Variants in SOX5 observed in about 807,000 individuals in gnomAD.
SOX5 encodes the protein transcription factor SOX-5.
In SOX5, 9 loss-of-function variants were observed where a neutral mutation model predicts 92.0. The ratio of observed to expected loss-of-function variants is 0.10; its 90% CI spans 0.06 to 0.17. The LOEUF is 0.17. SOX5 is among the 10% of genes least tolerant of loss of function. The pLI is 1.00. For missense variants in SOX5, 642 were observed against 944.5 expected, an observed-to-expected ratio of 0.68 and a Z score of 4.20; for synonymous variants, 344 against 336.3, an observed-to-expected ratio of 1.02 and a Z score of -0.25.
At chr12:23,656,903 T>C (rs939957799) in intron 7 of SOX5, among the ~76,000 whole-genome samples, 1 of 152,118 alleles carries the variant, frequency 6.6e-6, no homozygotes, top group East Asian at 1.9e-4. Context: ...TTTTAGTTTG[T>C]TTTCTACAAT....
At chr12:23,703,403 T>C (rs2090938817) in intron 6 of SOX5, among the ~76,000 whole-genome samples, 1 of 151,990 alleles carries the variant, frequency 6.6e-6, no homozygotes, top group Non-Finnish European at 1.5e-5. Flanking sequence ...ATAAGAACAA[T>C]ACTTTCTTGG....
intron 3 of SOX5, among the ~76,000 whole-genome samples, chr12:23,791,662 C>T (rs1246503639): frequency 6.6e-6 from 1 of 151,732 alleles, no homozygotes. Flanking sequence ...ACCACTTTAA[C>T]CAATAAAAAA....
At chr12:24,088,541 G>A (rs1178243843) in intron 4 of SOX5, among the ~76,000 whole-genome samples, 1 of 151,744 alleles carries the variant, frequency 6.6e-6, no homozygotes, top group Non-Finnish European at 1.5e-5. Flanking sequence ...ATATGAATTT[G>A]ATAACTTGAA....
intron 9 of SOX5, among the ~76,000 whole-genome samples, chr12:23,598,821 C>T (rs1009809292): frequency 6.6e-6 from 1 of 152,088 alleles, no homozygotes; most frequent in East Asian, 1.9e-4. Context: ...TTGTATTCTG[C>T]CTTTTTCCCC....
intron 1 of SOX5, among the ~76,000 whole-genome samples, chr12:24,373,412 T>C (rs1384753027): frequency 6.6e-6 from 1 of 152,216 alleles, no homozygotes; most frequent in Non-Finnish European, 1.5e-5. Context: ...TATTTCAGTG[T>C]GTACAATATG....
chr12:24,505,362 A>G (rs761197207), intron 1 of SOX5, among the ~76,000 whole-genome samples: 6 of 152,232 alleles, frequency 3.9e-5, no homozygotes, highest in Admixed American at 1.3e-4. Context: ...CGATCAATGT[A>G]AGAGAAGAGA....
intron 1 of SOX5, among the ~76,000 whole-genome samples, chr12:24,379,246 G>A (rs1957581062): frequency 6.6e-6 from 1 of 152,180 alleles, no homozygotes; most frequent in African/African-American, 2.4e-5. Flanking sequence ...TCTTAGTCAT[G>A]TTTGAGTGAA....
At chr12:24,179,555 T>C (rs569850973) in intron 4 of SOX5, among the ~76,000 whole-genome samples, 33 of 152,316 alleles carry the variant, frequency 2.2e-4, no homozygotes, top group Admixed American at 7.8e-4. Flanking sequence ...TCGGATATTG[T>C]ATTTTGTGTT....
At chr12:23,908,033 A>C (rs1246884097) in intron 1 of SOX5, among the ~76,000 whole-genome samples, 1 of 152,110 alleles carries the variant, frequency 6.6e-6, no homozygotes, top group Non-Finnish European at 1.5e-5. Flanking sequence ...ATCTCACATT[A>C]CTGGCTAAGT....
rs113377952 is a variant in SOX5, at chr12:24,511,180, C to G, written c.-251+51149G>C. Among the ~76,000 whole-genome samples, 409 of 152,304 alleles carry G rather than the reference C, an allele frequency of 2.7e-3. 4 individuals carry two copies. Among genetic ancestry groups the G allele is most frequent in the Middle Eastern group, 0.017 (5 of 294 alleles). Reference sequence around the variant, plus strand: ...CTCCCTTTCTCCTTTAGACCCCTCTCCCTTGAAGTCACATGAACCAGAAAA... The same window carrying G: ...CTCCCTTTCTCCTTTAGACCCCTCTGCCTTGAAGTCACATGAACCAGAAAA... On this transcript the variant is annotated intron_variant, in intron 1 of 4. Coordinates refer to the SOX5 transcript ENST00000446891.
At chr12:24,002,387 T>C (rs61390698) in intron 4 of SOX5, among the ~76,000 whole-genome samples, 34,142 of 151,938 alleles carry the variant, frequency 0.22, 4,197 homozygotes, top group Middle Eastern at 0.35. Flanking sequence ...GAAACATCAC[T>C]ACTGACCTTA....
At chr12:24,029,231 T>C (rs1423931130) in intron 4 of SOX5, among the ~76,000 whole-genome samples, 1 of 152,020 alleles carries the variant, frequency 6.6e-6, no homozygotes. Context: ...TGTACCTTAA[T>C]AGAATATTTA....
intron 6 of SOX5, among the ~76,000 whole-genome samples, chr12:23,689,997 T>C (rs547663790): frequency 6.6e-6 from 1 of 152,324 alleles, no homozygotes; most frequent in Admixed American, 6.5e-5. Flanking sequence ...TGAATAAAAC[T>C]GAGCCCTTTT....
At chr12:24,199,147 C>T (rs1403152724) in intron 4 of SOX5, among the ~76,000 whole-genome samples, 3 of 152,126 alleles carry the variant, frequency 2.0e-5, no homozygotes, top group Admixed American at 1.3e-4. Flanking sequence ...AGCCAAAGCA[C>T]GGCCTCTGTG....
intron 1 of SOX5, among the ~76,000 whole-genome samples, chr12:24,515,483 A>C (rs2138383468): frequency 6.6e-6 from 1 of 151,774 alleles, no homozygotes; most frequent in East Asian, 1.9e-4. Flanking sequence ...ATGGCTGAAT[A>C]AGGAATCAGG....
intron 11 of SOX5, among the ~76,000 whole-genome samples, chr12:23,562,872 T>C (rs1946456717): frequency 6.6e-6 from 1 of 152,210 alleles, no homozygotes; most frequent in South Asian, 2.1e-4. Flanking sequence ...TGAGCATGGA[T>C]ATCATCCAAG....
At chr12:23,560,965 T>C (rs923432060) in intron 11 of SOX5, among the ~76,000 whole-genome samples, 3 of 152,178 alleles carry the variant, frequency 2.0e-5, no homozygotes, top group African/African-American at 7.2e-5. Context: ...GAGTTTGCCA[T>C]ACTACTACAA....
At chr12:23,841,903 A>G (rs966628645) in intron 3 of SOX5, among the ~76,000 whole-genome samples, 8 of 152,134 alleles carry the variant, frequency 5.3e-5, no homozygotes, top group African/African-American at 1.7e-4. Flanking sequence ...TGCATTATAC[A>G]TTGTACATTT....
At position 24,290,471 on chromosome 12, in the gene SOX5, C is replaced by T. The variant is rs191019655; in HGVS notation, c.-173-13159G>A. ...TATTCTGACAATAGCACTGATGAGG[C>T]GGCCATTATTATCCTCATTCCACTA... On this transcript the variant is annotated intron_variant, in intron 2 of 4. Transcript: ENST00000446891. Among the ~76,000 whole-genome samples, 57 of 152,272 alleles carry T rather than the reference C, an allele frequency of 3.7e-4. No homozygotes were observed. The East Asian group carries it at 9.5e-3, about 25-fold the overall frequency.
Sources: gnomAD v4.1 joint callset for allele counts (sites outside exome capture counted in the v4.1 genomes callset) on GRCh38, gnomAD v4.1.1 for gene constraint, MANE v1.5 for transcripts, NCBI Gene and HGNC (gene_info 2026-07-23, HGNC 2026-07-21) for gene names.